The following EPHX2 variants were observed in gnomAD, a reference collection of about 807,000 sequenced individuals.
EPHX2 encodes the protein bifunctional epoxide hydrolase 2.
Under a neutral mutation model 78.7 loss-of-function variants are expected in EPHX2, and 74 were observed. The observed-to-expected ratio is 0.94, with a 90% CI of 0.78 to 1.14. The LOEUF (loss-of-function observed/expected upper bound fraction) is 1.14. Among genes scored for constraint, EPHX2 ranks in the 50% most tolerant of loss-of-function variants. The pLI, the probability that EPHX2 is intolerant of heterozygous loss-of-function variation, is 0.00. For missense variants in EPHX2, 715 were observed against 702.5 expected (o/e 1.02, Z -0.20); for synonymous variants, 251 against 255.2 (o/e 0.98, Z 0.16).
rs765765941 is a variant in EPHX2 at position 27,503,686 on chromosome 8, A to C, written c.269A>C (p.Glu90Ala). 1 of 1,614,074 alleles carries C rather than the reference A, an allele frequency of 6.2e-7. No homozygotes were observed. The highest frequency in any genetic ancestry group is 8.5e-7 in the Non-Finnish European group (1 of 1,179,990). The change falls in exon 3 of 19, where the codon GAA becomes GCA. Residue 90 changes from glutamate to alanine, a missense_variant. Coordinates refer to ENST00000521400, the MANE Select transcript of EPHX2 (RefSeq NM_001979.6). ...CTCCCCAAGAATTTCTCCATAAAAG[A>C]AATCTTTGACAAGGCGATTTCAGCC... is the stretch of plus-strand genomic sequence containing the variant. ...VCLPKNFSIK[E>A]IFDKAISARK...
chr8:27,543,740 T>TC lies in EPHX2; in HGVS notation c.1450-3dup, dbSNP rs1346220969. On this transcript the variant is annotated splice_polypyrimidine_tract_variant and intron_variant, in intron 16 of 18. Coordinates refer to ENST00000521400, the MANE Select transcript of EPHX2 (RefSeq NM_001979.6). ...TGCTGGCCACTTCTGTTTCCTGTTC[T>TC]CCCCCCAGATCCTGATTCCGGCCCT... is the stretch of plus-strand genomic sequence containing the variant. 7 of 1,613,458 alleles carry TC rather than the reference T, an allele frequency of 4.3e-6. No individual in the cohort carries two copies. The highest frequency in any genetic ancestry group is 5.9e-6 in the Non-Finnish European group (7 of 1,179,774).
At chr8:27,506,765 A>G (rs1814020230) in intron 4 of EPHX2, 107 bp from the exon 5 acceptor site, 3 of 1,446,588 alleles carry the variant, frequency 2.1e-6, no homozygotes, top group Admixed American at 2.1e-5. Context: ...TTAGCAGTAG[A>G]TGGTTATAAA....
rs970092498 is a variant in EPHX2 at position 27,522,476 on chromosome 8, G to A, written c.1026G>A (p.Trp342Ter). ...IGHDWGGMLV[W>*]YMALFYPERV... The stretch of plus-strand genomic sequence containing the variant: ...ATGACTGGGGTGGCATGCTGGTGTG[G>A]TACATGGCTCTCTTCTACCCCGAGA... Residue 342 changes from tryptophan (W) to a stop codon, truncating the protein, a stop_gained, in exon 11 of 19, where the codon TGG becomes TGA. Coordinates refer to ENST00000521400, the MANE Select transcript of EPHX2 (RefSeq NM_001979.6). LOFTEE classifies it high-confidence loss of function. 1.9e-6 allele frequency: 3 copies of A among 1,613,954 alleles called. No individual in the cohort carries two copies. The highest frequency in any genetic ancestry group is 1.1e-5 in the South Asian group (1 of 91,076).
rs200893629 is a variant in EPHX2 at position 27,543,777 on chromosome 8, C to T, written c.1478C>T (p.Ala493Val). ...CTGATTCCGGCCCTGATGGTCACGGCGGAGAAGGACTTCGTGCTCGTTCCT... is the reference window on the plus strand; with the variant it reads ...CTGATTCCGGCCCTGATGGTCACGGTGGAGAAGGACTTCGTGCTCGTTCCT... ...KILIPALMVT[A>V]EKDFVLVPQM... Residue 493 changes from alanine (A) to valine (V), a missense_variant, in exon 17 of 19, where the codon GCG (alanine) becomes GTG (valine). Ala to Val is a moderately conservative substitution (Grantham distance 64). Transcript: ENST00000521400. 80 of 1,613,894 alleles carry T rather than the reference C, an allele frequency of 5.0e-5. No homozygotes were observed. Among genetic ancestry groups the T allele is most frequent in the Admixed American group, 1.3e-4 (8 of 59,980 alleles).
At position 27,511,817 on chromosome 8, in the gene EPHX2, A is replaced by C. The variant is rs7816586; in HGVS notation, c.661-19A>C. The C allele has an allele frequency of 2.3e-3, 3,655 of 1,613,386 alleles. 18 individuals are homozygous for C. Among genetic ancestry groups the C allele is most frequent in the Non-Finnish European group, 2.6e-3 (3,048 of 1,179,452 alleles). On this transcript the variant is annotated intron_variant, in intron 5 of 18. Transcript: ENST00000521400. ...GGAGGCTGCTGCTGTCTCTCTCACTATACCTTTCCTGCTTACAGCTTCTCA... is the reference window on the plus strand; with the variant it reads ...GGAGGCTGCTGCTGTCTCTCTCACTCTACCTTTCCTGCTTACAGCTTCTCA...
At chr8:27,543,923 C>T (rs1021425395) in intron 17 of EPHX2, 94 bp downstream of exon 17, 23 of 1,327,130 alleles carry the variant, frequency 1.7e-5, no homozygotes, top group African/African-American at 4.3e-5. Context: ...TACACCTTGT[C>T]ATGTGGATAG....
chr8:27,547,147 C>T (rs1041708638), downstream of EPHX2, among the ~76,000 whole-genome samples: 4 of 152,286 alleles, frequency 2.6e-5, no homozygotes, highest in East Asian at 1.9e-4. Context: ...TACAATTTGA[C>T]GTGAGATTTG....
intron 12 of EPHX2, among the ~76,000 whole-genome samples, chr8:27,526,187 C>T (rs72475900): frequency 0.016 from 2,479 of 152,342 alleles, 66 homozygotes; most frequent in African/African-American, 0.056. Flanking sequence ...CCAGCCTCCA[C>T]CTCTGCTCCT....
At position 27,506,898 on chromosome 8, in the gene EPHX2, T is replaced by TA; in HGVS notation, c.566dup (p.Asn189LysfsTer7). 6.2e-7 allele frequency: 1 copy of TA among 1,614,168 alleles called. No homozygotes were observed. The highest frequency in any genetic ancestry group is 1.3e-5 in the African/African-American group (1 of 75,038). ...TCGTTTTTTTGGATGACATCGGGGC[T>TA]AATCTGAAGCCAGCCCGTGACTTGG... On this transcript the variant is annotated frameshift_variant, in exon 5 of 19. Coordinates refer to ENST00000521400, the MANE Select transcript of EPHX2 (RefSeq NM_001979.6). LOFTEE classifies it high-confidence loss of function.
chr8:27,498,190 A>G (rs1227726325), intron 1 of EPHX2, among the ~76,000 whole-genome samples: 1 of 152,198 alleles, frequency 6.6e-6, no homozygotes, highest in Non-Finnish European at 1.5e-5. Flanking sequence ...AAGGGGATAT[A>G]TACCCAGGTT....
chr8:27,535,402 T>C (rs931124899), intron 12 of EPHX2, among the ~76,000 whole-genome samples: 1 of 152,104 alleles, frequency 6.6e-6, no homozygotes, highest in African/African-American at 2.4e-5. Context: ...CTCAAACTCC[T>C]GACCTCAGGT....
chr8:27,513,709 G>C (rs528367208), intron 6 of EPHX2, among the ~76,000 whole-genome samples: 1 of 152,146 alleles, frequency 6.6e-6, no homozygotes. Flanking sequence ...CGTTTGCTGG[G>C]CTACTCAGCT....
At chr8:27,512,033 G>A in intron 6 of EPHX2, 123 bp downstream of exon 6, 1 of 946,788 alleles carries the variant, frequency 1.1e-6, no homozygotes, top group Non-Finnish European at 1.7e-6. Flanking sequence ...GGGAAGTGGA[G>A]GTTGCAGTGA....
chr8:27,527,215 C>T (rs1017745536), intron 12 of EPHX2, among the ~76,000 whole-genome samples: 15 of 152,052 alleles, frequency 9.9e-5, no homozygotes, highest in Non-Finnish European at 1.9e-4. Context: ...CCTCGGCCTC[C>T]CAAAGTGCTG....
At chr8:27,497,482 C>T (rs763113819) in intron 1 of EPHX2, among the ~76,000 whole-genome samples, 2 of 152,200 alleles carry the variant, frequency 1.3e-5, no homozygotes, top group African/African-American at 2.4e-5. Flanking sequence ...ACTAAGGCTG[C>T]GGCCTTTCTC....
chr8:27,504,803 C>G, intron 3 of EPHX2, 153 bp from the exon 4 acceptor site: 1 of 764,336 alleles, frequency 1.3e-6, no homozygotes, highest in Non-Finnish European at 2.1e-6. Context: ...CAAGATGATT[C>G]TTTTCCAATT....
At chr8:27,531,527 C>T (rs938463280) in intron 12 of EPHX2, among the ~76,000 whole-genome samples, 1 of 152,190 alleles carries the variant, frequency 6.6e-6, no homozygotes, top group African/African-American at 2.4e-5. Context: ...AGAACACTGG[C>T]GCAGACTTCC....
In EPHX2 at chr8:27,522,468, C is replaced by G. The variant is rs1265718965; in HGVS notation, c.1018C>G (p.Leu340Val). Residue 340 changes from leucine to valine, a missense_variant, in exon 11 of 19, where the codon CTG (leucine) becomes GTG (valine). Physicochemically the swap from Leu to Val is conservative, Grantham distance 32. Coordinates refer to ENST00000521400, the MANE Select transcript of EPHX2 (RefSeq NM_001979.6). ...CATTGGCCATGACTGGGGTGGCATG[C>G]TGGTGTGGTACATGGCTCTCTTCTA... ...VFIGHDWGGM[L>V]VWYMALFYPE... The G allele has an allele frequency of 1.2e-6, 2 of 1,614,024 alleles. No individual in the cohort carries two copies. Among genetic ancestry groups the G allele is most frequent in the Admixed American group, 3.3e-5 (2 of 60,016 alleles).
At position 27,505,151 on chromosome 8, in the gene EPHX2, G is replaced by A. The variant is rs112649081; in HGVS notation, c.537+5G>A. On this transcript the variant is annotated splice_donor_5th_base_variant and intron_variant, in intron 4 of 18. Transcript: ENST00000521400. Reference sequence around the variant, plus strand: ...CTGAAGGCCAGCCCCAGTGAGGTACGGAGACACTTCCTTATGGCAGAGAAG... The same window carrying A: ...CTGAAGGCCAGCCCCAGTGAGGTACAGAGACACTTCCTTATGGCAGAGAAG... 103 of 1,613,832 alleles carry A rather than the reference G, an allele frequency of 6.4e-5. 1 individual carries two copies. The African/African-American group carries it at 7.1e-4, about 11-fold the overall frequency.
Sources: allele counts gnomAD v4.1 joint callset (sites outside exome capture counted in the v4.1 genomes callset), GRCh38; gene constraint gnomAD v4.1.1; transcripts MANE v1.5; gene names NCBI Gene and HGNC (gene_info 2026-07-23, HGNC 2026-07-21).